Variants in FBXL20 observed in about 807,000 individuals in gnomAD.
FBXL20 encodes the protein F-box and leucine rich repeat protein 20.
A neutral mutation model predicts 64.0 loss-of-function variants in FBXL20; 11 were observed. The ratio of observed to expected loss-of-function variants is 0.17; its 90% CI spans 0.11 to 0.28. The LOEUF is 0.28. Ranked by LOEUF, FBXL20 falls within the 10% of genes least tolerant of loss-of-function variation. The pLI is 1.00. For synonymous variants in FBXL20, 184 were observed against 189.0 expected (o/e 0.97, Z 0.22); for missense variants, 303 against 526.2 (o/e 0.58, Z 4.15).
chr17:39,264,499 G>C, intron 13 of FBXL20, 112 bp from the exon 14 acceptor site: 2 of 1,129,774 alleles, frequency 1.8e-6, no homozygotes, highest in Non-Finnish European at 2.5e-6. Flanking sequence ...GATGAATATG[G>C]AGCTGGCACT....
chr17:39,306,775 C>T (rs2047187273), intron 2 of FBXL20, among the ~76,000 whole-genome samples: 1 of 152,158 alleles, frequency 6.6e-6, no homozygotes, highest in Admixed American at 6.5e-5. Context: ...CATTTACTTC[C>T]TCTAACAGAT....
rs1271347903 is a variant in FBXL20, at chr17:39,270,792, T to C, written c.888+4A>G. Reference sequence around the variant, plus strand: ...AACCTATGGAACCTAAAGAAAATACTTACCCTGGCTAGAGTGGTAAAGCCC... The same window carrying C: ...AACCTATGGAACCTAAAGAAAATACCTACCCTGGCTAGAGTGGTAAAGCCC... On this transcript the variant is annotated splice_donor_region_variant and intron_variant, in intron 11 of 14. Coordinates refer to ENST00000264658, the MANE Select transcript of FBXL20 (RefSeq NM_032875.3). The C allele has an allele frequency of 6.2e-7, 1 of 1,606,982 alleles. No homozygotes were observed. Among genetic ancestry groups the C allele is most frequent in the African/African-American group, 1.3e-5 (1 of 74,370 alleles).
intron 6 of FBXL20, among the ~76,000 whole-genome samples, chr17:39,292,252 C>T (rs1251172247): frequency 1.3e-5 from 2 of 150,460 alleles, no homozygotes; most frequent in Non-Finnish European, 2.9e-5. Flanking sequence ...AAATTTACGC[C>T]ATCTGATATT....
intron 1 of FBXL20, among the ~76,000 whole-genome samples, chr17:39,368,254 C>T (rs1269071312): frequency 6.6e-6 from 1 of 152,030 alleles, no homozygotes; most frequent in Non-Finnish European, 1.5e-5. Context: ...TACACAGGCA[C>T]AGTGGTGCAC....
chr17:39,273,594 G>A (rs567796388), intron 10 of FBXL20, among the ~76,000 whole-genome samples: 20 of 152,020 alleles, frequency 1.3e-4, no homozygotes, highest in African/African-American at 4.1e-4. Context: ...TTGGGAGGCC[G>A]AGGTGGGCAG....
intron 2 of FBXL20, among the ~76,000 whole-genome samples, chr17:39,340,919 G>T (rs529244575): frequency 2.0e-5 from 3 of 150,146 alleles, no homozygotes; most frequent in African/African-American, 7.3e-5. Flanking sequence ...AATTTGTGCT[G>T]ACCAATTGTT....
chr17:39,352,344 G>A (rs953452313), intron 1 of FBXL20, among the ~76,000 whole-genome samples: 2 of 151,864 alleles, frequency 1.3e-5, no homozygotes, highest in Non-Finnish European at 2.9e-5. Flanking sequence ...GCCTGGGCAA[G>A]ATCGCGAGAC....
chr17:39,371,263 T>TA (rs1004983250), intron 1 of FBXL20, among the ~76,000 whole-genome samples: 13 of 152,110 alleles, frequency 8.5e-5, no homozygotes, highest in Admixed American at 3.9e-4. Context: ...CCATCAGCCA[T>TA]AAAAAAAATA....
chr17:39,383,117 C>G (rs142055352), intron 1 of FBXL20, among the ~76,000 whole-genome samples: 1 of 146,498 alleles, frequency 6.8e-6, no homozygotes, highest in Non-Finnish European at 1.5e-5. Flanking sequence ...GAGCCGAGAT[C>G]ACGCCACTGC....
chr17:39,316,793 GC>G (rs1476727718), intron 2 of FBXL20, among the ~76,000 whole-genome samples: 1 of 152,224 alleles, frequency 6.6e-6, no homozygotes, highest in African/African-American at 2.4e-5. Flanking sequence ...TTCGAGACCA[GC>G]CTGGCCAACA....
intron 2 of FBXL20, among the ~76,000 whole-genome samples, chr17:39,336,922 T>C (rs974361126): frequency 3.3e-5 from 5 of 150,826 alleles, no homozygotes; most frequent in East Asian, 3.9e-4. Flanking sequence ...TATAACATCA[T>C]GGATGTTAAA....
chr17:39,336,927 G>A (rs920138297), intron 2 of FBXL20, among the ~76,000 whole-genome samples: 2 of 151,002 alleles, frequency 1.3e-5, no homozygotes, highest in Non-Finnish European at 2.9e-5. Flanking sequence ...CATCATGGAT[G>A]TTAAAAATAA....
intron 6 of FBXL20, among the ~76,000 whole-genome samples, chr17:39,290,964 ATTT>A (rs1555604835): frequency 1.4e-5 from 2 of 143,996 alleles, no homozygotes; most frequent in East Asian, 2.0e-4. Context: ...TCCATTCTGT[ATTT>A]TTTTTTTTTT....
Position 39,313,439 on chromosome 17 carries a change from G to C in FBXL20, c.105-9800C>G, listed in dbSNP as rs561177460. On this transcript the variant is annotated intron_variant, in intron 2 of 14. Coordinates refer to ENST00000264658, the MANE Select transcript of FBXL20 (RefSeq NM_032875.3). ...GTAGAGACAGCGTTTCGCCATGTTGGCCAGGCTGGTCTCAAACTACTCACC... is the reference window on the plus strand; with the variant it reads ...GTAGAGACAGCGTTTCGCCATGTTGCCCAGGCTGGTCTCAAACTACTCACC... Among the ~76,000 whole-genome samples the C allele has an allele frequency of 3.0e-3, 448 of 150,108 alleles. 1 individual carries two copies. The highest frequency in any genetic ancestry group is 0.02 in the South Asian group (93 of 4,734).
chr17:39,382,695 C>T (rs2048036805), intron 1 of FBXL20, among the ~76,000 whole-genome samples: 1 of 151,522 alleles, frequency 6.6e-6, no homozygotes, highest in African/African-American at 2.4e-5. Context: ...TTTAAACTTG[C>T]CCAGGTGTGG....
At chr17:39,398,080 G>A (rs1334140668) in intron 1 of FBXL20, among the ~76,000 whole-genome samples, 5 of 135,814 alleles carry the variant, frequency 3.7e-5, no homozygotes, top group African/African-American at 1.1e-4. Flanking sequence ...TCAGGAGCTC[G>A]AGACCAGCCT....
At chr17:39,400,878 C>T (rs892741012) in intron 1 of FBXL20, among the ~76,000 whole-genome samples, 2 of 152,216 alleles carry the variant, frequency 1.3e-5, no homozygotes, top group African/African-American at 4.8e-5. Context: ...TAGCCTCTAT[C>T]ATCCCAAACT....
At chr17:39,327,175 C>T (rs879779083) in intron 2 of FBXL20, among the ~76,000 whole-genome samples, 4 of 152,026 alleles carry the variant, frequency 2.6e-5, no homozygotes, top group Admixed American at 6.6e-5. Context: ...CGCGAGCCAC[C>T]GCACCCAGCC....
chr17:39,369,589 G>C (rs1258465878), intron 1 of FBXL20, among the ~76,000 whole-genome samples: 1 of 152,098 alleles, frequency 6.6e-6, no homozygotes, highest in African/African-American at 2.4e-5. Context: ...CTGACCTCAT[G>C]ATCCACCCGG....
Sources: gnomAD v4.1 joint callset for allele counts (sites outside exome capture counted in the v4.1 genomes callset) on GRCh38, gnomAD v4.1.1 for gene constraint, MANE v1.5 for transcripts, NCBI Gene and HGNC (gene_info 2026-07-23, HGNC 2026-07-21) for gene names.